The following CNTN4 variants were observed in gnomAD, a reference collection of about 807,000 sequenced individuals.
CNTN4 encodes the protein contactin 4, also known as contactin-4.
In CNTN4, 77 loss-of-function variants were observed where a neutral mutation model predicts 122.5. The ratio of observed to expected loss-of-function variants is 0.63; its 90% CI spans 0.52 to 0.76. The LOEUF is 0.76. CNTN4 is among the 30% of genes least tolerant of loss of function. The pLI is 0.00. For synonymous variants in CNTN4, 512 were observed against 447.0 expected, an observed-to-expected ratio of 1.15 and a Z score of -1.83; for missense variants, 1,256 against 1,259.1, an observed-to-expected ratio of 1.00 and a Z score of 0.04.
At chr3:2,805,202 C>T (rs190876671) in intron 6 of CNTN4, among the ~76,000 whole-genome samples, 143 of 150,664 alleles carry the variant, frequency 9.5e-4, no homozygotes, top group Admixed American at 2.4e-3. Flanking sequence ...TCAGTTGCTG[C>T]ACTGTGTAGC....
In CNTN4 at chr3:3,056,630, A is replaced by G. The variant is rs1454107746; in HGVS notation, c.*410A>G. On this transcript the variant is annotated 3_prime_UTR_variant, in exon 25 of 25. Transcript: ENST00000418658. Reference sequence around the variant, plus strand: ...ATTTGAAAATATTTCCTTTAAAGACAGAGTTTGAAACTCATCTTGGTAAAT... The same window carrying G: ...ATTTGAAAATATTTCCTTTAAAGACGGAGTTTGAAACTCATCTTGGTAAAT... 1.3e-5 allele frequency: 2 copies of G among 158,716 alleles called. No individual in the cohort carries two copies. The highest frequency in any genetic ancestry group is 2.4e-5 in the African/African-American group (1 of 41,492). The allele number at this position is 158,716 out of a possible 1,614,324, so 9.8% of individuals were successfully genotyped here.
intron 16 of CNTN4, among the ~76,000 whole-genome samples, chr3:3,033,153 G>A (rs1490704167): frequency 6.6e-6 from 1 of 152,068 alleles, no homozygotes; most frequent in Non-Finnish European, 1.5e-5. Flanking sequence ...AAAAAAAATG[G>A]TGGGGAATGC....
intron 10 of CNTN4, among the ~76,000 whole-genome samples, chr3:2,889,021 G>A (rs2094008362): frequency 6.6e-6 from 1 of 151,922 alleles, no homozygotes; most frequent in African/African-American, 2.4e-5. Context: ...AGAAATGGAA[G>A]GAAGGGAGGG....
chr3:2,646,427 G>A (rs2728078), intron 4 of CNTN4, among the ~76,000 whole-genome samples: 69,763 of 151,868 alleles, frequency 0.46, 16,422 homozygotes, highest in East Asian at 0.66. Flanking sequence ...TGTGTAATTC[G>A]GGAATAATAA....
chr3:2,143,079 T>C (rs1026096962), intron 2 of CNTN4, among the ~76,000 whole-genome samples: 2 of 152,186 alleles, frequency 1.3e-5, no homozygotes, highest in Admixed American at 6.5e-5. Context: ...GAGCACCACG[T>C]TCACTGCCTC....
intron 13 of CNTN4, among the ~76,000 whole-genome samples, chr3:2,987,888 T>A (rs1694722364): frequency 6.6e-6 from 1 of 152,232 alleles, no homozygotes; most frequent in African/African-American, 2.4e-5. Context: ...GAAATAAATA[T>A]GCTTAATAAT....
chr3:2,934,680 C>G (rs532521562), intron 13 of CNTN4, among the ~76,000 whole-genome samples: 4 of 152,240 alleles, frequency 2.6e-5, no homozygotes, highest in Non-Finnish European at 5.9e-5. Flanking sequence ...ATATCTCTTA[C>G]AGTTGCTGCA....
chr3:2,986,363 A>G (rs1694577141), intron 13 of CNTN4, among the ~76,000 whole-genome samples: 1 of 152,230 alleles, frequency 6.6e-6, no homozygotes, highest in Non-Finnish European at 1.5e-5. Flanking sequence ...AAGAGGAAGT[A>G]AAAACTGAGA....
intron 5 of CNTN4, among the ~76,000 whole-genome samples, chr3:2,740,670 C>G (rs1432255850): frequency 3.2e-5 from 4 of 123,912 alleles, no homozygotes; most frequent in Non-Finnish European, 5.3e-5. Flanking sequence ...ACTTTAACAA[C>G]TACTATCTAA....
intron 8 of CNTN4, among the ~76,000 whole-genome samples, chr3:2,879,293 G>T (rs1392808672): frequency 6.6e-6 from 1 of 152,134 alleles, no homozygotes; most frequent in Non-Finnish European, 1.5e-5. Context: ...ACCACCAGAA[G>T]GTAGGAAGGA....
intron 2 of CNTN4, among the ~76,000 whole-genome samples, chr3:2,249,423 T>G (rs1412336133): frequency 6.6e-6 from 1 of 151,994 alleles, no homozygotes; most frequent in Non-Finnish European, 1.5e-5. Flanking sequence ...ATCTCATGAC[T>G]AGAAAGTGTA....
At chr3:2,671,836 G>T (rs1008325135) in intron 4 of CNTN4, among the ~76,000 whole-genome samples, 3 of 152,222 alleles carry the variant, frequency 2.0e-5, no homozygotes, top group African/African-American at 2.4e-5. Context: ...CTCAGCTGCA[G>T]GTCTGTTGGA....
rs577112192 is a variant in CNTN4 at position 2,318,153 on chromosome 3, A to G, written c.-144-21025A>G. 4.2e-4 allele frequency among the ~76,000 whole-genome samples: 63 copies of G among 151,800 alleles called. 1 individual carries two copies. The South Asian group carries it at 0.012, about 29-fold the overall frequency. ...CTTGGGCCCATGATATTGAGGCCAC[A>G]GTGTGTGATGATTGCAACTGTGAAT... On this transcript the variant is annotated intron_variant, in intron 2 of 24. Coordinates refer to ENST00000418658, the MANE Select transcript of CNTN4 (RefSeq NM_175607.3).
At chr3:2,807,421 A>C (rs1314206215) in intron 6 of CNTN4, among the ~76,000 whole-genome samples, 1 of 152,192 alleles carries the variant, frequency 6.6e-6, no homozygotes, top group Non-Finnish European at 1.5e-5. Flanking sequence ...AAGCAACTTA[A>C]ATTCAACATA....
intron 4 of CNTN4, among the ~76,000 whole-genome samples, chr3:2,625,566 T>TA (rs1191890465): frequency 6.6e-6 from 1 of 152,204 alleles, no homozygotes; most frequent in African/African-American, 2.4e-5. Flanking sequence ...TATCTCCCAA[T>TA]ATAAACTTTG....
At chr3:3,016,335 A>T (rs1697755926) in intron 14 of CNTN4, among the ~76,000 whole-genome samples, 1 of 152,160 alleles carries the variant, frequency 6.6e-6, no homozygotes, top group South Asian at 2.1e-4. Flanking sequence ...TTCTGTTATT[A>T]CTTGCTATTT....
chr3:2,623,329 C>T (rs533767393), intron 4 of CNTN4, among the ~76,000 whole-genome samples: 1 of 151,070 alleles, frequency 6.6e-6, no homozygotes, highest in Non-Finnish European at 1.5e-5. Flanking sequence ...GTCATTTTAA[C>T]TCCTCATCCT....
intron 3 of CNTN4, among the ~76,000 whole-genome samples, chr3:2,463,341 T>C (rs1251188336): frequency 6.6e-6 from 1 of 152,208 alleles, no homozygotes; most frequent in Admixed American, 6.5e-5. Flanking sequence ...AATAAAAGCA[T>C]GTGGGAGGAC....
intron 13 of CNTN4, among the ~76,000 whole-genome samples, chr3:2,934,550 GCC>G (rs2094551703): frequency 6.6e-6 from 1 of 152,256 alleles, no homozygotes; most frequent in Non-Finnish European, 1.5e-5. Flanking sequence ...GCAGGTATTT[GCC>G]CAGAAGGCCG....
Sources: allele counts gnomAD v4.1 joint callset (sites outside exome capture counted in the v4.1 genomes callset), GRCh38; gene constraint gnomAD v4.1.1; transcripts MANE v1.5; gene names NCBI Gene and HGNC (gene_info 2026-07-23, HGNC 2026-07-21).